The following TMEM132C variants were observed in gnomAD, a reference collection of about 807,000 sequenced individuals.
The protein encoded by TMEM132C is transmembrane protein 132C, also known as protein phosphatase 1, regulatory subunit 152.
In TMEM132C, 29 loss-of-function variants were observed where a neutral mutation model predicts 61.4. That is an observed-to-expected ratio of 0.47 (90% CI 0.35 to 0.64). The LOEUF (loss-of-function observed/expected upper bound fraction) is 0.64, where lower values mean the gene tolerates loss of function less well. Among genes scored for constraint, TMEM132C ranks in the 30% least tolerant of loss-of-function variants. The pLI is 0.00. For missense variants in TMEM132C, 1,408 were observed against 1,476.9 expected, an observed-to-expected ratio of 0.95 and a Z score of 0.76; for synonymous variants, 656 against 633.1, an observed-to-expected ratio of 1.04 and a Z score of -0.54.
At chr12:128,347,839 C>T (rs538514777) in intron 1 of TMEM132C, among the ~76,000 whole-genome samples, 1 of 152,302 alleles carries the variant, frequency 6.6e-6, no homozygotes, top group South Asian at 2.1e-4. Flanking sequence ...AATCCTCATA[C>T]TGTTTTCCAT....
At chr12:128,443,178 A>G (rs1226809960) in intron 2 of TMEM132C, among the ~76,000 whole-genome samples, 1 of 152,160 alleles carries the variant, frequency 6.6e-6, no homozygotes, top group East Asian at 1.9e-4. Flanking sequence ...AGCAAAAGCA[A>G]AACATTTACT....
chr12:128,692,978 T>C (rs1309886125), intron 5 of TMEM132C, among the ~76,000 whole-genome samples: 4 of 152,190 alleles, frequency 2.6e-5, no homozygotes, highest in Admixed American at 2.0e-4. Context: ...TAGTCCCTAA[T>C]GTGATCTGCC....
chr12:128,555,361 C>T (rs1254755173), intron 3 of TMEM132C, among the ~76,000 whole-genome samples: 1 of 152,084 alleles, frequency 6.6e-6, no homozygotes, highest in East Asian at 1.9e-4. Context: ...TCTGCTTTTC[C>T]CTAAAGGAAA....
chr12:128,580,959 C>T (rs1875311577), intron 3 of TMEM132C, among the ~76,000 whole-genome samples: 1 of 152,164 alleles, frequency 6.6e-6, no homozygotes, highest in Non-Finnish European at 1.5e-5. Context: ...ACACCCTCCT[C>T]TATCCCAATT....
At chr12:128,473,169 A>T (rs1337633752) in intron 2 of TMEM132C, among the ~76,000 whole-genome samples, 2 of 137,178 alleles carry the variant, frequency 1.5e-5, no homozygotes, top group Admixed American at 1.4e-4. Flanking sequence ...TCTTCACTCC[A>T]GCCTCCATCT....
chr12:128,662,974 T>G (rs1954407687), intron 4 of TMEM132C, among the ~76,000 whole-genome samples: 1 of 152,184 alleles, frequency 6.6e-6, no homozygotes, highest in South Asian at 2.1e-4. Flanking sequence ...TGGGTAGAGA[T>G]AGATCATTGG....
intron 5 of TMEM132C, among the ~76,000 whole-genome samples, chr12:128,684,554 C>G (rs1323458649): frequency 2.0e-5 from 3 of 152,234 alleles, no homozygotes; most frequent in African/African-American, 7.2e-5. Flanking sequence ...GCGCTGCCAA[C>G]CCCCCGCATG....
At chr12:128,413,285 C>G (rs1486500589) in intron 1 of TMEM132C, among the ~76,000 whole-genome samples, 1 of 106,888 alleles carries the variant, frequency 9.4e-6, no homozygotes, top group Non-Finnish European at 1.7e-5. Context: ...GGCGACAGAG[C>G]GAGACTCTGT....
chr12:128,515,834 C>CA lies in TMEM132C; in HGVS notation c.975-28109dup, dbSNP rs199518470. ...TGGACGACAGAGCGAGACTCCGTCT[C>CA]AAAAAAAAAAAAAAGTATCTTTGAT... is the stretch of plus-strand genomic sequence containing the variant. On this transcript the variant is annotated intron_variant, in intron 2 of 8. Coordinates refer to ENST00000435159, the MANE Select transcript of TMEM132C (RefSeq NM_001136103.3). Among the ~76,000 whole-genome samples, 478 of 111,820 alleles carry CA rather than the reference C, an allele frequency of 4.3e-3. 2 individuals carry two copies. The highest frequency in any genetic ancestry group is 0.011 in the Middle Eastern group (2 of 184). The allele number at this position is 111,820 out of a possible 152,430, so 73.4% of individuals were successfully genotyped here. A position where few individuals can be genotyped will look rare whatever the true frequency, so the allele number is the denominator to read the frequency against.
intron 1 of TMEM132C, among the ~76,000 whole-genome samples, chr12:128,286,196 G>T (rs1871065657): frequency 6.6e-6 from 1 of 152,084 alleles, no homozygotes; most frequent in Non-Finnish European, 1.5e-5. Flanking sequence ...TATGGGAAAT[G>T]TGGCCTCTGA....
At chr12:128,555,046 A>G (rs1433967536) in intron 3 of TMEM132C, among the ~76,000 whole-genome samples, 2 of 152,106 alleles carry the variant, frequency 1.3e-5, no homozygotes, top group Non-Finnish European at 2.9e-5. Context: ...TGCATCCCCA[A>G]GCTCCTTAAT....
intron 3 of TMEM132C, among the ~76,000 whole-genome samples, chr12:128,558,070 T>C (rs1874389055): frequency 6.6e-6 from 1 of 152,250 alleles, no homozygotes; most frequent in Admixed American, 6.5e-5. Context: ...GTACCTTTGC[T>C]GAGGAGTGCT....
At chr12:128,464,479 G>T (rs1021415619) in intron 2 of TMEM132C, among the ~76,000 whole-genome samples, 42 of 152,266 alleles carry the variant, frequency 2.8e-4, no homozygotes, top group African/African-American at 8.7e-4. Flanking sequence ...GTAGCATGGT[G>T]GCTCACACCT....
At chr12:128,340,407 A>G (rs1411898392) in intron 1 of TMEM132C, among the ~76,000 whole-genome samples, 2 of 152,198 alleles carry the variant, frequency 1.3e-5, no homozygotes, top group Admixed American at 6.5e-5. Flanking sequence ...TTTAGTTGCA[A>G]CAAAATGACA....
chr12:128,422,024 C>A (rs1406452438), intron 2 of TMEM132C, among the ~76,000 whole-genome samples: 1 of 152,178 alleles, frequency 6.6e-6, no homozygotes, highest in Non-Finnish European at 1.5e-5. Flanking sequence ...TGGATGTTTT[C>A]TTTCATAATT....
intron 2 of TMEM132C, among the ~76,000 whole-genome samples, chr12:128,530,601 G>A (rs151016921): frequency 0.11 from 16,970 of 152,050 alleles, 1,990 homozygotes; most frequent in African/African-American, 0.3. Flanking sequence ...GTGCCACCAC[G>A]CCCATCTAAT....
chr12:128,347,474 G>A, intron 1 of TMEM132C, among the ~76,000 whole-genome samples: 1 of 145,138 alleles, frequency 6.9e-6, no homozygotes, highest in East Asian at 2.0e-4. Flanking sequence ...TGTTGCCCAG[G>A]CTGGAGTGCA....
chr12:128,399,014 T>C (rs539583005), intron 1 of TMEM132C, among the ~76,000 whole-genome samples: 1 of 152,376 alleles, frequency 6.6e-6, no homozygotes, highest in African/African-American at 2.4e-5. Context: ...TCTTCTGGTG[T>C]ATTCTTTTCT....
intron 4 of TMEM132C, among the ~76,000 whole-genome samples, chr12:128,659,500 G>A (rs555672146): frequency 1.1e-4 from 16 of 152,288 alleles, no homozygotes; most frequent in African/African-American, 2.2e-4. Context: ...AGTCAGCTCC[G>A]CAAGCCCCCA....
Sources: gnomAD v4.1 joint callset for allele counts (sites outside exome capture counted in the v4.1 genomes callset) on GRCh38, gnomAD v4.1.1 for gene constraint, MANE v1.5 for transcripts, NCBI Gene and HGNC (gene_info 2026-07-23, HGNC 2026-07-21) for gene names.